Variants in RNF17 observed in about 807,000 individuals in gnomAD.
RNF17 encodes the protein spermatogenesis associated 23.
In RNF17, 31 loss-of-function variants were observed where a neutral mutation model predicts 200.5. The ratio of observed to expected loss-of-function variants is 0.15; its 90% CI spans 0.12 to 0.21. RNF17 has a LOEUF of 0.21. RNF17 is among the 10% of genes least tolerant of loss of function. The pLI, the probability that RNF17 is intolerant of heterozygous loss-of-function variation, is 1.00. For missense variants in RNF17, 1,628 were observed against 1,905.1 expected, an observed-to-expected ratio of 0.85 and a Z score of 2.71; for synonymous variants, 606 against 637.8, an observed-to-expected ratio of 0.95 and a Z score of 0.75.
At chr13:24,761,349 T>C (rs1878724936), upstream of RNF17, among the ~76,000 whole-genome samples, 1 of 152,230 alleles carries the variant, frequency 6.6e-6, no homozygotes, top group Non-Finnish European at 1.5e-5. Context: ...AAACCTAACT[T>C]TGACCATGGA....
chr13:24,810,504 C>T (rs1195778228), intron 15 of RNF17, among the ~76,000 whole-genome samples: 1 of 141,732 alleles, frequency 7.1e-6, no homozygotes, highest in Non-Finnish European at 1.5e-5. Flanking sequence ...GTAGATCTTC[C>T]TCCATCCTTT....
chr13:24,748,701 G>A, the RNF17 span, among the ~76,000 whole-genome samples: 1 of 151,934 alleles, frequency 6.6e-6, no homozygotes, highest in African/African-American at 2.4e-5. Context: ...CCTCATAAGT[G>A]TAATAAGAAC....
intron 5 of RNF17, among the ~76,000 whole-genome samples, chr13:24,780,316 AAAC>A (rs1161512916): frequency 6.6e-6 from 1 of 152,186 alleles, no homozygotes; most frequent in Non-Finnish European, 1.5e-5. Flanking sequence ...TGAGAGAAAA[AAAC>A]AACATTGAGA....
intron 15 of RNF17, among the ~76,000 whole-genome samples, chr13:24,812,823 G>T (rs1446063135): frequency 6.6e-6 from 1 of 151,434 alleles, no homozygotes; most frequent in Non-Finnish European, 1.5e-5. Flanking sequence ...CTGGGACTAC[G>T]GGTGCCTGCC....
chr13:24,751,602 G>T, the RNF17 span: 9 of 152,200 alleles, frequency 5.9e-5, no homozygotes, highest in South Asian at 1.7e-3. Flanking sequence ...GGGATATACT[G>T]CTTGGTAGTA....
chr13:24,816,639 C>G (rs1050904179), intron 15 of RNF17, among the ~76,000 whole-genome samples: 1 of 152,200 alleles, frequency 6.6e-6, no homozygotes, highest in Non-Finnish European at 1.5e-5. Flanking sequence ...CAAAATGCTG[C>G]TTTTATTTCA....
At chr13:24,870,489 TCTG>T in intron 31 of RNF17, 79 bp from the exon 32 acceptor site, 6 of 1,242,602 alleles carry the variant, frequency 4.8e-6, no homozygotes, top group Non-Finnish European at 6.9e-6. Flanking sequence ...CTGGAGGCTG[TCTG>T]CTACAGTAAT....
upstream of RNF17, among the ~76,000 whole-genome samples, chr13:24,761,224 T>C (rs989579315): frequency 1.3e-5 from 2 of 152,254 alleles, no homozygotes; most frequent in East Asian, 1.9e-4. Context: ...AAATATGTTA[T>C]ATGTTTCTAT....
chr13:24,823,697 G>A (rs1347153074), intron 15 of RNF17, among the ~76,000 whole-genome samples: 1 of 152,144 alleles, frequency 6.6e-6, no homozygotes, highest in East Asian at 1.9e-4. Flanking sequence ...ATCTTGTCAG[G>A]GCAGACATGT....
chr13:24,816,867 G>C (rs1042888996), intron 15 of RNF17, among the ~76,000 whole-genome samples: 1 of 152,180 alleles, frequency 6.6e-6, no homozygotes, highest in African/African-American at 2.4e-5. Flanking sequence ...CATTCACCAA[G>C]ATAAAGAAGT....
At chr13:24,804,485 T>C (rs1885612725) in intron 15 of RNF17, 56 bp downstream of exon 15, 2 of 1,354,190 alleles carry the variant, frequency 1.5e-6, no homozygotes, top group Non-Finnish European at 2.0e-6. Context: ...TAATTAGACA[T>C]GTATAACAAG....
chr13:24,847,203 C>T (rs1264565525), intron 22 of RNF17, among the ~76,000 whole-genome samples: 2 of 151,752 alleles, frequency 1.3e-5, no homozygotes, highest in Non-Finnish European at 2.9e-5. Flanking sequence ...ACAATAATAC[C>T]GACATGGAAC....
At chr13:24,793,653 A>G (rs1884171976) in intron 10 of RNF17, among the ~76,000 whole-genome samples, 1 of 152,106 alleles carries the variant, frequency 6.6e-6, no homozygotes, top group African/African-American at 2.4e-5. Context: ...ATAAATAGAG[A>G]GATGTGATTT....
chr13:24,882,115 T>G (rs867481856), downstream of RNF17, among the ~76,000 whole-genome samples: 2 of 31,038 alleles, frequency 6.4e-5, no homozygotes, highest in African/African-American at 8.4e-5. Context: ...TATATAGATA[T>G]ATAGATACAT....
At chr13:24,822,348 T>G (rs1888166874) in intron 15 of RNF17, among the ~76,000 whole-genome samples, 2 of 152,176 alleles carry the variant, frequency 1.3e-5, no homozygotes, top group Admixed American at 6.6e-5. Flanking sequence ...GGGGCTGCTT[T>G]TCACTGAAAA....
intron 3 of RNF17, among the ~76,000 whole-genome samples, chr13:24,775,832 C>T (rs1881486944): frequency 6.6e-6 from 1 of 152,138 alleles, no homozygotes; most frequent in South Asian, 2.1e-4. Flanking sequence ...AGTCTGTAAG[C>T]CCCTTTAAGG....
chr13:24,882,762 T>C (rs1953896511), downstream of RNF17: 2 of 187,928 alleles, frequency 1.1e-5, no homozygotes, highest in African/African-American at 2.4e-5. Flanking sequence ...TAGTAATATT[T>C]TGGCTACAGA....
chr13:24,779,704 A>G lies in RNF17; in HGVS notation c.467A>G (p.Asn156Ser). The change falls in exon 5 of 36, where the codon AAT becomes AGT. Residue 156 changes from asparagine to serine, a missense_variant. By Grantham distance (46) the Asn-to-Ser change is conservative. Around this residue, in one of 5 missense-constraint regions of RNF17, gnomAD observed 502 missense variants for 501.7 expected, o/e 1.00. Transcript: ENST00000255324. ...NTAEEIDEAL[N>S]TAHHSFEQLS... is the part of the protein sequence containing the mutation. ...GCAGAAGAAATTGATGAAGCATTGA[A>G]TACAGCACACCATAGTTTCGAACAG... is the stretch of plus-strand genomic sequence containing the variant. The G allele has an allele frequency of 6.2e-7, 1 of 1,613,700 alleles. No individual in the cohort carries two copies. The highest frequency in any genetic ancestry group is 8.5e-7 in the Non-Finnish European group (1 of 1,179,752).
chr13:24,749,307 C>CTTTCTTTCT, the RNF17 span, among the ~76,000 whole-genome samples: 1 of 108,032 alleles, frequency 9.3e-6, no homozygotes, highest in African/African-American at 3.5e-5. Flanking sequence ...TTCTTTCTTT[C>CTTTCTTTCT]TTTTTTTTTT....
Sources: gnomAD v4.1 joint callset for allele counts (sites outside exome capture counted in the v4.1 genomes callset) on GRCh38, gnomAD v4.1.1 for gene constraint, gnomAD v4.1.1 regional missense constraint, MANE v1.5 for transcripts, NCBI Gene and HGNC (gene_info 2026-07-23, HGNC 2026-07-21) for gene names.